The following SH3GL2 variants were observed in gnomAD, a reference collection of about 807,000 sequenced individuals.
The protein encoded by SH3GL2 is endophilin-A1.
In SH3GL2, 24 loss-of-function variants were observed where a neutral mutation model predicts 46.0. That is an observed-to-expected ratio of 0.52 (90% CI 0.38 to 0.73). The LOEUF is 0.73. Among genes scored for constraint, SH3GL2 ranks in the 30% least tolerant of loss-of-function variants. SH3GL2 has a pLI of 0.00. For synonymous variants in SH3GL2, 196 were observed against 147.1 expected (o/e 1.33, Z -2.40); for missense variants, 413 against 424.2 (o/e 0.97, Z 0.23).
intron 1 of SH3GL2, among the ~76,000 whole-genome samples, chr9:17,671,296 T>G (rs1820468029): frequency 7.2e-6 from 1 of 138,300 alleles, no homozygotes; most frequent in Non-Finnish European, 1.6e-5. Flanking sequence ...TTTTACACAA[T>G]GAGGAATTTT....
chr9:17,736,891 A>G (rs944771515), intron 1 of SH3GL2, among the ~76,000 whole-genome samples: 2 of 152,260 alleles, frequency 1.3e-5, no homozygotes, highest in African/African-American at 2.4e-5. Flanking sequence ...TATTGTACAC[A>G]AAAATATGAG....
chr9:17,688,611 G>A (rs1026618847), intron 1 of SH3GL2, among the ~76,000 whole-genome samples: 37 of 152,102 alleles, frequency 2.4e-4, no homozygotes, highest in Non-Finnish European at 4.9e-4. Context: ...TGCAAGATGA[G>A]CCTGGAGCAT....
intron 1 of SH3GL2, among the ~76,000 whole-genome samples, chr9:17,610,621 C>T: frequency 6.6e-6 from 1 of 152,088 alleles, no homozygotes; most frequent in East Asian, 1.9e-4. Context: ...GTGTAAGGAT[C>T]CCTGGCTGAA....
Position 17,645,151 on chromosome 9 carries a change from CTTTTTTTTTTTTTTTTTT to C in SH3GL2, c.45+65878_45+65895del, listed in dbSNP as rs57611978. On this transcript the variant is annotated intron_variant, in intron 1 of 8. Coordinates refer to ENST00000380607, the MANE Select transcript of SH3GL2 (RefSeq NM_003026.5). ...TCAGAGACTAGGATTGCAAACGCTGCTTTTTTTTTTTTTTTTTTTTTTTTTTTTTTTGCTTTCCATTGC... is the reference window on the plus strand; with the variant it reads ...TCAGAGACTAGGATTGCAAACGCTGCTTTTTTTTTTTTTGCTTTCCATTGC... Among the ~76,000 whole-genome samples, 17 of 68,776 alleles carry C rather than the reference CTTTTTTTTTTTTTTTTTT, an allele frequency of 2.5e-4. No individual in the cohort carries two copies. The South Asian group carries it at 3.2e-3, about 13-fold the overall frequency. The allele number at this position is 68,776 out of a possible 152,430, so 45.1% of individuals were successfully genotyped here.
intron 1 of SH3GL2, among the ~76,000 whole-genome samples, chr9:17,630,891 C>T (rs983328636): frequency 3.3e-5 from 5 of 152,120 alleles, no homozygotes; most frequent in African/African-American, 1.2e-4. Flanking sequence ...AATTCCTTCA[C>T]CCATGGCCCT....
chr9:17,589,400 G>C (rs1306665683), intron 1 of SH3GL2: 4 of 151,694 alleles, frequency 2.6e-5, no homozygotes, highest in Non-Finnish European at 5.9e-5. Context: ...TTGATATTTA[G>C]ATGTTTTTCT....
chr9:17,789,618 A>G (rs757833352), intron 6 of SH3GL2, 68 bp downstream of exon 6: 4 of 1,597,182 alleles, frequency 2.5e-6, no homozygotes, highest in East Asian at 2.2e-5. Flanking sequence ...GTTAAAGGCC[A>G]TAACCCTTAA....
chr9:17,582,885 C>T (rs1818303378), intron 1 of SH3GL2, among the ~76,000 whole-genome samples: 1 of 152,204 alleles, frequency 6.6e-6, no homozygotes, highest in South Asian at 2.1e-4. Context: ...TCTCTGCCTT[C>T]ATGCTCACAT....
chr9:17,673,336 T>C (rs1343752902), intron 1 of SH3GL2, among the ~76,000 whole-genome samples: 1 of 140,742 alleles, frequency 7.1e-6, no homozygotes, highest in Non-Finnish European at 1.5e-5. Flanking sequence ...TTTTTTTTTA[T>C]AGAGGCGGGG....
chr9:17,658,039 G>T (rs527307448), intron 1 of SH3GL2, among the ~76,000 whole-genome samples: 1 of 152,264 alleles, frequency 6.6e-6, no homozygotes, highest in South Asian at 2.1e-4. Context: ...CTGCAGATAG[G>T]AACTTATGAG....
chr9:17,693,225 A>T (rs1821125657), intron 1 of SH3GL2, among the ~76,000 whole-genome samples: 1 of 152,146 alleles, frequency 6.6e-6, no homozygotes, highest in African/African-American at 2.4e-5. Flanking sequence ...AGAAAACGTT[A>T]TGTTTGGACA....
chr9:17,616,025 C>T (rs1816245163), intron 1 of SH3GL2, among the ~76,000 whole-genome samples: 1 of 152,198 alleles, frequency 6.6e-6, no homozygotes, highest in Middle Eastern at 3.4e-3. Flanking sequence ...CAGAGGCAGC[C>T]TGCATTCAGC....
intron 1 of SH3GL2, among the ~76,000 whole-genome samples, chr9:17,626,429 A>G (rs1819282909): frequency 6.6e-6 from 1 of 152,180 alleles, no homozygotes; most frequent in South Asian, 2.1e-4. Context: ...TTAAGGTCCT[A>G]GTTGGACTGT....
intron 1 of SH3GL2, among the ~76,000 whole-genome samples, chr9:17,608,497 C>T (rs906484173): frequency 2.6e-5 from 4 of 152,304 alleles, no homozygotes; most frequent in Non-Finnish European, 5.9e-5. Context: ...TTTGGTTCTT[C>T]CTCATCCACA....
intron 1 of SH3GL2, among the ~76,000 whole-genome samples, chr9:17,593,563 T>C (rs546889584): frequency 2.0e-5 from 3 of 152,342 alleles, no homozygotes; most frequent in South Asian, 4.1e-4. Flanking sequence ...GACACAAGAA[T>C]GTACCAACTG....
rs139312744 is a variant in SH3GL2 at position 17,720,374 on chromosome 9, C to A, written c.46-26692C>A. On this transcript the variant is annotated intron_variant, in intron 1 of 8. Coordinates refer to ENST00000380607, the MANE Select transcript of SH3GL2 (RefSeq NM_003026.5). ...GAATGATTCGCAAATCAGGCAGCCC[C>A]CGAACCAAAATACGTTGAAAGAGCT... Among the ~76,000 whole-genome samples, 1,125 of 152,208 alleles carry A rather than the reference C, an allele frequency of 7.4e-3. 18 individuals carry two copies. The highest frequency in any genetic ancestry group is 0.025 in the African/African-American group (1,053 of 41,552).
intron 1 of SH3GL2, among the ~76,000 whole-genome samples, chr9:17,693,226 T>C (rs571582333): frequency 2.0e-5 from 3 of 152,210 alleles, no homozygotes; most frequent in East Asian, 3.9e-4. Flanking sequence ...GAAAACGTTA[T>C]GTTTGGACAC....
At chr9:17,596,014 C>T (rs760443055) in intron 1 of SH3GL2, among the ~76,000 whole-genome samples, 4 of 152,114 alleles carry the variant, frequency 2.6e-5, no homozygotes, top group Non-Finnish European at 5.9e-5. Flanking sequence ...CTTTCCACTT[C>T]ATCGTCTTTA....
chr9:17,788,032 A>G (rs1213027853), intron 5 of SH3GL2, among the ~76,000 whole-genome samples: 1 of 152,206 alleles, frequency 6.6e-6, no homozygotes, highest in African/African-American at 2.4e-5. Context: ...GCCACTTTCT[A>G]AAACATGTAG....
Sources: allele counts gnomAD v4.1 joint callset (sites outside exome capture counted in the v4.1 genomes callset), GRCh38; gene constraint gnomAD v4.1.1; transcripts MANE v1.5; gene names NCBI Gene and HGNC (gene_info 2026-07-23, HGNC 2026-07-21).